PGAP1: variants seen among roughly 807,000 people sequenced by gnomAD.
PGAP1 encodes the protein post-GPI attachment to proteins inositol deacylase 1.
Under a neutral mutation model 127.0 loss-of-function variants are expected in PGAP1, and 76 were observed. The ratio of observed to expected loss-of-function variants is 0.60; its 90% confidence interval spans 0.50 to 0.72. The LOEUF (loss-of-function observed/expected upper bound fraction) is 0.72. Among genes scored for constraint, PGAP1 ranks in the 30% least tolerant of loss-of-function variants. The probability of loss-of-function intolerance (pLI) is 0.00; values close to 1 mark genes in which losing one functional copy is unlikely to be tolerated. For synonymous variants in PGAP1, 362 were observed against 366.5 expected (o/e 0.99, Z 0.14); for missense variants, 982 against 1,071.3 (o/e 0.92, Z 1.16).
chr2:196,870,997 T>C lies in PGAP1; in HGVS notation c.1729-18A>G. ...ACTGTCACCTAGTTTAAAACAATTA[T>C]TGAAAAAAAAGGTTATTTTCCTCTA... On this transcript the variant is annotated intron_variant, in intron 18 of 26. Transcript: ENST00000354764. 1 of 1,583,314 alleles carries C rather than the reference T, an allele frequency of 6.3e-7. No individual in the cohort carries two copies. The highest frequency in any genetic ancestry group is 2.2e-5 in the East Asian group (1 of 44,532).
intron 20 of PGAP1, among the ~76,000 whole-genome samples, chr2:196,861,440 C>A (rs935473052): frequency 6.6e-6 from 1 of 152,120 alleles, no homozygotes; most frequent in Admixed American, 6.5e-5. Flanking sequence ...GATTAATAAC[C>A]AGAATATATA....
intron 7 of PGAP1, among the ~76,000 whole-genome samples, chr2:196,896,184 A>G (rs2125822011): frequency 6.6e-6 from 1 of 152,370 alleles, no homozygotes; most frequent in East Asian, 1.9e-4. Flanking sequence ...CTGCTAATTG[A>G]ACAATTTGGA....
chr2:196,889,776 G>A (rs550737014), intron 10 of PGAP1, among the ~76,000 whole-genome samples: 15 of 150,114 alleles, frequency 1.0e-4, no homozygotes, highest in African/African-American at 3.2e-4. Context: ...GGAGAATGGC[G>A]TGAACCCGGG....
chr2:196,916,399 T>C lies in PGAP1; in HGVS notation c.477+19A>G. ...GCCGATAGGTTGCACCACTATTGAT[T>C]TGCATACTTATCTCTCACCTTATAG... On this transcript the variant is annotated intron_variant, in intron 3 of 26. Coordinates refer to ENST00000354764, the MANE Select transcript of PGAP1 (RefSeq NM_024989.4). 6.3e-7 allele frequency: 1 copy of C among 1,578,854 alleles called. No homozygotes were observed. Among genetic ancestry groups the C allele is most frequent in the Non-Finnish European group, 8.6e-7 (1 of 1,163,342 alleles).
At chr2:196,869,623 C>T (rs1334795875) in intron 19 of PGAP1, among the ~76,000 whole-genome samples, 4 of 152,268 alleles carry the variant, frequency 2.6e-5, no homozygotes, top group South Asian at 4.1e-4. Context: ...CGTGAGCCAC[C>T]GCACCCGGCC....
chr2:196,905,562 T>C (rs1430686863), intron 4 of PGAP1, among the ~76,000 whole-genome samples: 1 of 152,164 alleles, frequency 6.6e-6, no homozygotes, highest in Non-Finnish European at 1.5e-5. Flanking sequence ...ACAAACAAAA[T>C]TTTCATCAAA....
intron 19 of PGAP1, among the ~76,000 whole-genome samples, chr2:196,870,430 A>G (rs1405147385): frequency 2.0e-5 from 3 of 151,506 alleles, no homozygotes; most frequent in Admixed American, 1.3e-4. Context: ...TTGAGTAGCC[A>G]GGACTACAGG....
intron 10 of PGAP1, among the ~76,000 whole-genome samples, chr2:196,886,773 C>G (rs1359414301): frequency 6.6e-6 from 1 of 152,072 alleles, no homozygotes; most frequent in Admixed American, 6.5e-5. Context: ...TCTCGGCTCA[C>G]TGCAACCTCT....
chr2:196,915,799 A>G (rs76714191), intron 3 of PGAP1, among the ~76,000 whole-genome samples: 295 of 152,332 alleles, frequency 1.9e-3, no homozygotes, highest in Admixed American at 4.1e-3. Context: ...ATTGAAAAAC[A>G]TACATTTTTA....
intron 11 of PGAP1, 69 bp from the exon 12 acceptor site, chr2:196,885,544 T>C: frequency 8.4e-7 from 1 of 1,197,112 alleles, no homozygotes; most frequent in Non-Finnish European, 1.2e-6. Context: ...ATAAATAAGA[T>C]TCAGAGGAAA....
Position 196,842,705 on chromosome 2 carries a change from G to C in PGAP1, c.2630+16C>G. 1 of 1,360,964 alleles carries C rather than the reference G, an allele frequency of 7.3e-7. No individual in the cohort carries two copies. Among genetic ancestry groups the C allele is most frequent in the Non-Finnish European group, 1.0e-6 (1 of 987,382 alleles). 84.3% of individuals were successfully genotyped at this position (1,360,964 alleles called of 1,614,324 possible). A position where few individuals can be genotyped will look rare whatever the true frequency, so the allele number is the denominator to read the frequency against. Reference sequence around the variant, plus strand: ...CAAGAACAGATATAAGAAAAAGAAAGATTAAACTACTGTACCTTGATTTTA... The same window carrying C: ...CAAGAACAGATATAAGAAAAAGAAACATTAAACTACTGTACCTTGATTTTA... On this transcript the variant is annotated intron_variant, in intron 26 of 26. Coordinates refer to ENST00000354764, the MANE Select transcript of PGAP1 (RefSeq NM_024989.4).
At chr2:196,867,261 G>A (rs1315205570) in intron 19 of PGAP1, among the ~76,000 whole-genome samples, 3 of 152,172 alleles carry the variant, frequency 2.0e-5, no homozygotes, top group African/African-American at 7.2e-5. Context: ...TAAAGAAAAT[G>A]TGGCACATAT....
chr2:196,926,687 G>T lies in PGAP1; in HGVS notation c.-71C>A. ...TTCTCCGCCGCGGGGCCCCAAGCCCGGACTGAGCGTGCTAGACACTGTCCG... is the reference window on the plus strand; with the variant it reads ...TTCTCCGCCGCGGGGCCCCAAGCCCTGACTGAGCGTGCTAGACACTGTCCG... On this transcript the variant is annotated 5_prime_UTR_variant, in exon 1 of 27. Coordinates refer to ENST00000354764, the MANE Select transcript of PGAP1 (RefSeq NM_024989.4). 1 of 1,603,608 alleles carries T rather than the reference G, an allele frequency of 6.2e-7. No individual in the cohort carries two copies. Among genetic ancestry groups the T allele is most frequent in the African/African-American group, 1.3e-5 (1 of 74,684 alleles).
intron 19 of PGAP1, among the ~76,000 whole-genome samples, chr2:196,867,115 T>C (rs147240974): frequency 0.01 from 1,540 of 152,216 alleles, 23 homozygotes; most frequent in African/African-American, 0.035. Flanking sequence ...CCATTTCACC[T>C]AGCAATCCCA....
In PGAP1 at chr2:196,835,456, T is replaced by C; in HGVS notation, c.*5778A>G. 6.6e-6 allele frequency: 1 copy of C among 152,018 alleles called. No homozygotes were observed. Among genetic ancestry groups the C allele is most frequent in the South Asian group, 2.1e-4 (1 of 4,822 alleles). The allele number at this position is 152,018 out of a possible 1,614,324, so 9.4% of individuals were successfully genotyped here. On this transcript the variant is annotated 3_prime_UTR_variant, in exon 27 of 27. Coordinates refer to ENST00000354764, the MANE Select transcript of PGAP1 (RefSeq NM_024989.4). Reference sequence around the variant, plus strand: ...TCAAATAATTATTTCAATGAATTGCTGAAAGATCATTACTAGGCAAACTTT... The same window carrying C: ...TCAAATAATTATTTCAATGAATTGCCGAAAGATCATTACTAGGCAAACTTT...
At chr2:196,891,335 T>C (rs906347088) in intron 9 of PGAP1, among the ~76,000 whole-genome samples, 1 of 152,116 alleles carries the variant, frequency 6.6e-6, no homozygotes, top group African/African-American at 2.4e-5. Flanking sequence ...GATTCACGGT[T>C]TGGGGCAGGA....
At chr2:196,884,601 TA>T (rs2125811385) in intron 12 of PGAP1, among the ~76,000 whole-genome samples, 2 of 152,334 alleles carry the variant, frequency 1.3e-5, no homozygotes, top group South Asian at 4.1e-4. Context: ...CAAATAATTA[TA>T]AGCATTCATG....
intron 10 of PGAP1, among the ~76,000 whole-genome samples, chr2:196,887,357 C>T (rs577178330): frequency 6.6e-6 from 1 of 152,056 alleles, no homozygotes. Flanking sequence ...GCACTCCAGC[C>T]TGGGCGACAG....
chr2:196,917,207 T>C (rs1264116437), intron 2 of PGAP1, among the ~76,000 whole-genome samples: 1 of 152,208 alleles, frequency 6.6e-6, no homozygotes, highest in Non-Finnish European at 1.5e-5. Flanking sequence ...GTTGTTGTTT[T>C]GCAAATCTTT....
Sources: gnomAD v4.1 joint callset for allele counts (sites outside exome capture counted in the v4.1 genomes callset) on GRCh38, gnomAD v4.1.1 for gene constraint, MANE v1.5 for transcripts, NCBI Gene and HGNC (gene_info 2026-07-23, HGNC 2026-07-21) for gene names.